The following TRPM6 variants were observed in gnomAD, a reference collection of about 807,000 sequenced individuals.
The protein encoded by TRPM6 is transient receptor potential cation channel subfamily M member 6, also known as channel kinase 2.
Under a neutral mutation model 247.6 loss-of-function variants are expected in TRPM6, and 111 were observed. The ratio of observed to expected loss-of-function variants is 0.45; its 90% CI spans 0.38 to 0.52. The LOEUF (loss-of-function observed/expected upper bound fraction) is 0.52, where lower values mean the gene tolerates loss of function less well. TRPM6 is among the 20% of genes least tolerant of loss of function. TRPM6 has a pLI of 0.00. For synonymous variants in TRPM6, 892 were observed against 853.8 expected (o/e 1.04, Z -0.78); for missense variants, 2,126 against 2,421.5 (o/e 0.88, Z 2.56).
intron 20 of TRPM6, among the ~76,000 whole-genome samples, chr9:74,786,338 C>T (rs182780683): frequency 6.6e-6 from 1 of 152,280 alleles, no homozygotes; most frequent in African/African-American, 2.4e-5. Context: ...TTTGATAATA[C>T]CAGATTGTCA....
Position 74,762,796 on chromosome 9 carries a change from G to A in TRPM6, c.3875C>T (p.Pro1292Leu). The A allele has an allele frequency of 1.9e-6, 3 of 1,614,130 alleles. No homozygotes were observed. Among genetic ancestry groups the A allele is most frequent in the Middle Eastern group, 1.6e-4 (1 of 6,062 alleles). The change falls in exon 26 of 39, where the codon CCC becomes CTC. Residue 1292 changes from proline (P) to leucine (L), a missense_variant. Around this residue, in one of 3 missense-constraint regions of TRPM6, gnomAD observed 717 missense variants for 715.9 expected, o/e 1.00. Coordinates refer to ENST00000360774, the MANE Select transcript of TRPM6 (RefSeq NM_017662.5). ...AAGTGCCCCCCTCTGCACTCTTGGG[G>A]GATGCCGGCCTCCAGCCAGGCTCCT... ...LLRSLAGGRH[P>L]PRVQRGALLE...
intron 31 of TRPM6, among the ~76,000 whole-genome samples, chr9:74,745,686 T>C (rs1826021858): frequency 6.6e-6 from 1 of 152,074 alleles, no homozygotes; most frequent in Non-Finnish European, 1.5e-5. Flanking sequence ...TCCATGCTTG[T>C]CATGTTTAAG....
At chr9:74,758,317 T>C (rs1164844414) in intron 27 of TRPM6, among the ~76,000 whole-genome samples, 1 of 152,018 alleles carries the variant, frequency 6.6e-6, no homozygotes, top group Non-Finnish European at 1.5e-5. Flanking sequence ...CAGACAAAGA[T>C]ATTACAATAA....
intron 1 of TRPM6, chr9:74,887,450 C>T: frequency 9.4e-7 from 1 of 1,067,818 alleles, no homozygotes; most frequent in Non-Finnish European, 1.3e-6. Context: ...CACCTCCGAA[C>T]TCCTCTCCCT....
At chr9:74,883,986 C>G (rs1012133200) in intron 1 of TRPM6, among the ~76,000 whole-genome samples, 1 of 152,012 alleles carries the variant, frequency 6.6e-6, no homozygotes, top group Non-Finnish European at 1.5e-5. Context: ...CCTGTCTCTA[C>G]TAAAAGTACA....
intron 18 of TRPM6, among the ~76,000 whole-genome samples, chr9:74,796,034 T>C (rs964893431): frequency 6.6e-6 from 1 of 152,204 alleles, no homozygotes; most frequent in Non-Finnish European, 1.5e-5. Flanking sequence ...TAATGCAAAT[T>C]ATGTTCCTCA....
At chr9:74,801,752 C>A in intron 16 of TRPM6, 146 bp downstream of exon 16, 2 of 999,270 alleles carry the variant, frequency 2.0e-6, no homozygotes, top group South Asian at 1.5e-5. Context: ...CCTTAGAATA[C>A]CTGAAGACCC....
chr9:74,798,049 A>T (rs1027862184), intron 17 of TRPM6, among the ~76,000 whole-genome samples: 2 of 152,142 alleles, frequency 1.3e-5, no homozygotes, highest in Admixed American at 1.3e-4. Context: ...AGTCTTTTCA[A>T]AAAAAATTTT....
At chr9:74,836,016 G>T (rs1005649024) in intron 5 of TRPM6, among the ~76,000 whole-genome samples, 1 of 152,036 alleles carries the variant, frequency 6.6e-6, no homozygotes, top group Non-Finnish European at 1.5e-5. Flanking sequence ...TTACATTAGG[G>T]TTCACTCTTG....
At chr9:74,856,031 A>C (rs1235023347) in intron 2 of TRPM6, among the ~76,000 whole-genome samples, 2 of 152,188 alleles carry the variant, frequency 1.3e-5, no homozygotes, top group Non-Finnish European at 2.9e-5. Flanking sequence ...TAAAACCATA[A>C]AGCACTATCA....
rs755989609 is a variant in TRPM6 at position 74,821,734 on chromosome 9, C to T, written c.945G>A (p.Val315=). Residue 315 remains valine (V), a synonymous_variant, in exon 8 of 39, where the codon GTG becomes GTA. Coordinates refer to ENST00000360774, the MANE Select transcript of TRPM6 (RefSeq NM_017662.5). ...ETVKDKDPVV[V]CEGTGRAADL... ...CAGCCGCCCTACCTGTGCCCTCACA[C>T]ACCACCACTGGGTCCTTGTCCTTGA... is the stretch of plus-strand genomic sequence containing the variant. 1.1e-4 allele frequency: 178 copies of T among 1,614,204 alleles called. No homozygotes were observed. The highest frequency in any genetic ancestry group is 1.4e-4 in the Non-Finnish European group (169 of 1,180,018).
At chr9:74,864,246 A>AT (rs1830777891) in intron 1 of TRPM6, among the ~76,000 whole-genome samples, 1 of 152,176 alleles carries the variant, frequency 6.6e-6, no homozygotes, top group Non-Finnish European at 1.5e-5. Flanking sequence ...AACATTTGTT[A>AT]TTTTTTCTTC....
intron 1 of TRPM6, among the ~76,000 whole-genome samples, chr9:74,861,040 A>G (rs1830678178): frequency 6.6e-6 from 1 of 152,124 alleles, no homozygotes; most frequent in Admixed American, 6.6e-5. Context: ...AGAAAGAAAG[A>G]AAGAAAGAAA....
At chr9:74,811,404 T>G (rs1010437080) in intron 12 of TRPM6, among the ~76,000 whole-genome samples, 2 of 152,164 alleles carry the variant, frequency 1.3e-5, no homozygotes, top group Admixed American at 1.3e-4. Context: ...AAGACAAGAC[T>G]TGAATAAATC....
chr9:74,861,856 C>T (rs150669859), intron 1 of TRPM6, among the ~76,000 whole-genome samples: 2 of 151,868 alleles, frequency 1.3e-5, no homozygotes, highest in Non-Finnish European at 2.9e-5. Context: ...GATTTAATGA[C>T]CTTTACAGGC....
intron 15 of TRPM6, among the ~76,000 whole-genome samples, chr9:74,803,412 A>G (rs1193748708): frequency 6.6e-6 from 1 of 152,222 alleles, no homozygotes; most frequent in East Asian, 1.9e-4. Flanking sequence ...CAAAAAGTCA[A>G]TGCGGCAGAG....
chr9:74,837,900 C>T (rs575150905), intron 5 of TRPM6, among the ~76,000 whole-genome samples: 9 of 152,210 alleles, frequency 5.9e-5, no homozygotes, highest in African/African-American at 1.7e-4. Flanking sequence ...CAGGTGCACA[C>T]CACCACATCC....
rs900732621 is a variant in TRPM6 at position 74,880,071 on chromosome 9, A to T, written c.33+7753T>A. Among the ~76,000 whole-genome samples the T allele has an allele frequency of 2.2e-4, 33 of 152,260 alleles. No homozygotes were observed. In the East Asian group the frequency reaches 6.4e-3, roughly 29 times the overall value. On this transcript the variant is annotated intron_variant, in intron 1 of 38. Coordinates refer to ENST00000360774, the MANE Select transcript of TRPM6 (RefSeq NM_017662.5). The stretch of plus-strand genomic sequence containing the variant: ...ATGTGATGGGAAAACTCCCACACAC[A>T]TATTTGTCACAGGAGTCCTCTGTGC...
rs1830597694 is a variant in TRPM6, at chr9:74,858,556, T to C, written c.113+113A>G. ...AGTGAAAGAAATAAACATTGAAAAT[T>C]CTAACTTTATAGATATGATCAAAAC... On this transcript the variant is annotated intron_variant, in intron 2 of 38. Coordinates refer to ENST00000360774, the MANE Select transcript of TRPM6 (RefSeq NM_017662.5). 1.1e-5 allele frequency: 7 copies of C among 641,556 alleles called. No homozygotes were observed. In the South Asian group the frequency reaches 1.6e-4, roughly 15 times the overall value. 39.7% of individuals were successfully genotyped at this position (641,556 alleles called of 1,614,324 possible).
Sources: gnomAD v4.1 joint callset for allele counts (sites outside exome capture counted in the v4.1 genomes callset) on GRCh38, gnomAD v4.1.1 for gene constraint, gnomAD v4.1.1 regional missense constraint, MANE v1.5 for transcripts, NCBI Gene and HGNC (gene_info 2026-07-23, HGNC 2026-07-21) for gene names.